HMCN1: variants seen among roughly 807,000 people sequenced by gnomAD.
The protein encoded by HMCN1 is hemicentin-1.
Under a neutral mutation model 625.9 loss-of-function variants are expected in HMCN1, and 321 were observed. The ratio of observed to expected loss-of-function variants is 0.51; its 90% CI spans 0.47 to 0.56. The LOEUF (loss-of-function observed/expected upper bound fraction) is 0.56. HMCN1 is among the 20% of genes least tolerant of loss of function. The pLI is 0.00. For synonymous variants in HMCN1, 2,425 were observed against 2,417.6 expected (o/e 1.00, Z -0.09); for missense variants, 6,588 against 6,887.3 (o/e 0.96, Z 1.54).
chr1:185,950,477 C>T (rs1249726312), intron 11 of HMCN1, among the ~76,000 whole-genome samples: 1 of 151,772 alleles, frequency 6.6e-6, no homozygotes, highest in Admixed American at 6.6e-5. Context: ...AGAATTCTGA[C>T]CGCGCTAACC....
intron 68 of HMCN1, among the ~76,000 whole-genome samples, chr1:186,096,843 C>A (rs982096451): frequency 3.9e-5 from 6 of 152,108 alleles, no homozygotes; most frequent in African/African-American, 1.4e-4. Context: ...ATTCAACATT[C>A]CTTCATGAGA....
chr1:186,053,772 A>C, intron 43 of HMCN1, 53 bp from the exon 44 acceptor site: 1 of 1,585,056 alleles, frequency 6.3e-7, no homozygotes, highest in Non-Finnish European at 8.7e-7. Flanking sequence ...GGCAATGTAT[A>C]CAAAATGCTT....
intron 1 of HMCN1, among the ~76,000 whole-genome samples, chr1:185,823,901 G>A (rs1660350935): frequency 6.6e-6 from 1 of 152,082 alleles, no homozygotes; most frequent in African/African-American, 2.4e-5. Context: ...TCTAATGTGC[G>A]ACTATTTCTA....
intron 8 of HMCN1, among the ~76,000 whole-genome samples, chr1:185,923,923 T>G (rs1473494499): frequency 2.0e-5 from 3 of 152,190 alleles, no homozygotes; most frequent in Non-Finnish European, 4.4e-5. Context: ...TCTGGTACTA[T>G]CTTTTCCCCT....
At chr1:186,020,530 G>A (rs1002417912) in intron 35 of HMCN1, among the ~76,000 whole-genome samples, 1 of 151,894 alleles carries the variant, frequency 6.6e-6, no homozygotes, top group African/African-American at 2.4e-5. Flanking sequence ...CATAGTGAAG[G>A]TAAACAATTA....
intron 70 of HMCN1, 124 bp from the exon 71 acceptor site, chr1:186,108,337 G>T: frequency 6.9e-7 from 1 of 1,448,330 alleles, no homozygotes. Context: ...AATTATCTAG[G>T]CTATAAATTA....
Position 186,178,754 on chromosome 1 carries a change from G to A in HMCN1, c.16282G>A (p.Asp5428Asn). ...CCCTGAAGGCTCTGAGGCAAGCCAT[G>A]ACACATGTGTAGGTAAATGTCAGCC... Reference protein sequence around the residue: ...TCPEGSEASHDTCVDIDECEN... With the variant: ...TCPEGSEASHNTCVDIDECEN... The change falls in exon 104 of 107, where the codon GAC becomes AAC. Residue 5428 changes from aspartate to asparagine, a missense_variant. Physicochemically the swap from Asp to Asn is conservative, Grantham distance 23 (BLOSUM62 1). Around this residue, in one of 3 missense-constraint regions of HMCN1, gnomAD observed 1,954 missense variants for 2,013.1 expected, o/e 0.97. Coordinates refer to ENST00000271588, the MANE Select transcript of HMCN1 (RefSeq NM_031935.3). 1 of 1,606,538 alleles carries A rather than the reference G, an allele frequency of 6.2e-7. No individual in the cohort carries two copies. Among genetic ancestry groups the A allele is most frequent in the Non-Finnish European group, 8.5e-7 (1 of 1,173,128 alleles).
At chr1:185,889,965 T>C (rs1047884069) in intron 4 of HMCN1, among the ~76,000 whole-genome samples, 6 of 149,862 alleles carry the variant, frequency 4.0e-5, no homozygotes, top group African/African-American at 1.3e-4. Context: ...TGGTAAGCTA[T>C]TGATTATTGC....
At chr1:185,997,342 T>G in intron 24 of HMCN1, 87 bp from the exon 25 acceptor site, 1 of 807,012 alleles carries the variant, frequency 1.2e-6, no homozygotes, top group South Asian at 1.4e-5. Context: ...AGATAGCAAC[T>G]CATCAGTGCA....
chr1:186,174,611 T>C lies in HMCN1; in HGVS notation c.15912T>C (p.Tyr5304=), dbSNP rs185972168. The change falls in exon 103 of 107, where the codon TAT becomes TAC. Residue 5304 remains tyrosine (Y), a synonymous_variant. Coordinates refer to ENST00000271588, the MANE Select transcript of HMCN1 (RefSeq NM_031935.3). ...GSYRCVCPRG[Y]RSQGVGRPCM... is the part of the protein sequence containing the mutation. ...ATCGTTGTGTATGCCCAAGAGGTTA[T>C]CGGTCTCAAGGAGTTGGAAGACCCT... is the stretch of plus-strand genomic sequence containing the variant. 6.2e-7 allele frequency: 1 copy of C among 1,614,040 alleles called. No homozygotes were observed. The highest frequency in any genetic ancestry group is 8.5e-7 in the Non-Finnish European group (1 of 1,179,930).
chr1:185,760,711 G>A (rs1655441059), intron 1 of HMCN1, among the ~76,000 whole-genome samples: 1 of 152,112 alleles, frequency 6.6e-6, no homozygotes, highest in African/African-American at 2.4e-5. Context: ...ATTATAGAAT[G>A]TGGAAAATCC....
At position 186,103,565 on chromosome 1, in the gene HMCN1, C is replaced by A. The variant is rs1183782797; in HGVS notation, c.10667C>A (p.Pro3556Gln). Residue 3556 changes from proline (P) to glutamine (Q), a missense_variant, in exon 69 of 107, where the codon CCA becomes CAA. This residue lies in a region of HMCN1 where 4,628 missense variants were observed against 4,853.1 expected (regional missense o/e 0.95). Coordinates refer to ENST00000271588, the MANE Select transcript of HMCN1 (RefSeq NM_031935.3). ...LELTCIASGI[P>Q]APKMTWMKDG... ...CTTACCTGCATTGCTTCTGGAATCC[C>A]AGCCCCTAAAATGACCTGGATGAAA... 1 of 1,613,770 alleles carries A rather than the reference C, an allele frequency of 6.2e-7. No homozygotes were observed. Among genetic ancestry groups the A allele is most frequent in the Non-Finnish European group, 8.5e-7 (1 of 1,179,846 alleles).
rs767031631 is a variant in HMCN1, at chr1:186,123,088, A to G, written c.12367A>G (p.Ile4123Val). The G allele has an allele frequency of 1.4e-5, 22 of 1,614,038 alleles. No homozygotes were observed. Among genetic ancestry groups the G allele is most frequent in the Non-Finnish European group, 1.8e-5 (21 of 1,180,020 alleles). ...AGATGGGCGTGCAATTGTGGAATCT[A>G]TCCGCCAGCGCGTCCTCAGCTCTGG... Reference protein sequence around the residue: ...HKDGRAIVESIRQRVLSSGSL... With the variant: ...HKDGRAIVESVRQRVLSSGSL... The change falls in exon 81 of 107, where the codon ATC (isoleucine) becomes GTC (valine). Residue 4123 changes from isoleucine to valine, a missense_variant. By Grantham distance (29) the Ile-to-Val change is conservative. This residue lies in a region of HMCN1 where 1,954 missense variants were observed against 2,013.1 expected (regional missense o/e 0.97). Coordinates refer to ENST00000271588, the MANE Select transcript of HMCN1 (RefSeq NM_031935.3).
intron 4 of HMCN1, among the ~76,000 whole-genome samples, chr1:185,877,321 C>CTTTTTTTTT (rs71557837): frequency 8.6e-5 from 3 of 34,910 alleles, no homozygotes; most frequent in East Asian, 1.4e-3. Context: ...ATGTGTCTTT[C>CTTTTTTTTT]TTTTTTTTTT....
chr1:185,928,511 T>C (rs374071309), intron 9 of HMCN1, 35 bp from the exon 10 acceptor site: 4 of 1,581,364 alleles, frequency 2.5e-6, no homozygotes, highest in Non-Finnish European at 3.5e-6. Context: ...TCTTATTTTA[T>C]AGTAACTAAA....
intron 106 of HMCN1, among the ~76,000 whole-genome samples, chr1:186,188,936 A>G (rs550598886): frequency 6.6e-6 from 1 of 152,312 alleles, no homozygotes; most frequent in Non-Finnish European, 1.5e-5. Context: ...AAACAATTTA[A>G]AAGTCATCAT....
intron 1 of HMCN1, among the ~76,000 whole-genome samples, chr1:185,776,879 T>G (rs1656650878): frequency 6.6e-6 from 1 of 152,238 alleles, no homozygotes; most frequent in Non-Finnish European, 1.5e-5. Flanking sequence ...CAGTAATTGC[T>G]GCTTTCATTT....
At chr1:185,922,259 C>G (rs549397887) in intron 6 of HMCN1, 120 bp from the exon 7 acceptor site, 2 of 1,077,390 alleles carry the variant, frequency 1.9e-6, no homozygotes, top group African/African-American at 1.5e-5. Context: ...CAGATCAGAG[C>G]CTCAGTTTTT....
intron 36 of HMCN1, among the ~76,000 whole-genome samples, chr1:186,028,576 C>G (rs544869646): frequency 6.6e-6 from 1 of 152,158 alleles, no homozygotes; most frequent in South Asian, 2.1e-4. Flanking sequence ...GGCAAACAAT[C>G]CCCCCAAGAA....
Sources: allele counts gnomAD v4.1 joint callset (sites outside exome capture counted in the v4.1 genomes callset), GRCh38; gene constraint gnomAD v4.1.1; regional missense constraint gnomAD v4.1.1; transcripts MANE v1.5; gene names NCBI Gene and HGNC (gene_info 2026-07-23, HGNC 2026-07-21).